The following HMMR variants were observed in gnomAD, a reference collection of about 807,000 sequenced individuals.
The protein encoded by HMMR is intracellular hyaluronic acid-binding protein.
A neutral mutation model predicts 101.0 loss-of-function variants in HMMR; 108 were observed. That is an observed-to-expected ratio of 1.07 (90% CI 0.92 to 1.25). The LOEUF (loss-of-function observed/expected upper bound fraction) is 1.25. Among genes scored for constraint, HMMR ranks in the 50% most tolerant of loss-of-function variants. The probability of loss-of-function intolerance (pLI) is 0.00; values close to 1 mark genes in which losing one functional copy is unlikely to be tolerated. For missense variants in HMMR, 813 were observed against 788.7 expected (o/e 1.03, Z -0.37); for synonymous variants, 296 against 276.4 (o/e 1.07, Z -0.70).
intron 12 of HMMR, among the ~76,000 whole-genome samples, chr5:163,481,724 T>C (rs1759272668): frequency 6.6e-6 from 1 of 152,196 alleles, no homozygotes; most frequent in Non-Finnish European, 1.5e-5. Context: ...TTTCCTACTC[T>C]GCTTCCAAAA....
chr5:163,463,290 T>G (rs1758598701), intron 1 of HMMR, among the ~76,000 whole-genome samples: 1 of 152,248 alleles, frequency 6.6e-6, no homozygotes, highest in East Asian at 1.9e-4. Flanking sequence ...TGTGAAATGC[T>G]TAGCATAATG....
chr5:163,472,024 G>A (rs891174260), intron 7 of HMMR, among the ~76,000 whole-genome samples: 1 of 150,144 alleles, frequency 6.7e-6, no homozygotes, highest in Non-Finnish European at 1.5e-5. Context: ...AATTAGCTTT[G>A]CCTTTTTTTA....
intron 9 of HMMR, 47 bp downstream of exon 9, chr5:163,473,604 C>T: frequency 8.3e-7 from 1 of 1,201,002 alleles, no homozygotes. Context: ...GTGTTACATA[C>T]AACATTTAGG....
chr5:163,487,676 G>A (rs1227661846), intron 16 of HMMR, among the ~76,000 whole-genome samples: 1 of 151,722 alleles, frequency 6.6e-6, no homozygotes, highest in Admixed American at 6.6e-5. Flanking sequence ...TTCTATAAAT[G>A]TGCCTAATTT....
At chr5:163,487,216 T>C (rs6894495) in intron 16 of HMMR, among the ~76,000 whole-genome samples, 5,175 of 152,290 alleles carry the variant, frequency 0.034, 255 homozygotes, top group African/African-American at 0.12. Context: ...ATGTAATTTT[T>C]TTATTCTGTT....
At chr5:163,482,577 A>G in intron 12 of HMMR, 65 bp from the exon 13 acceptor site, 4 of 1,152,994 alleles carry the variant, frequency 3.5e-6, no homozygotes, top group Non-Finnish European at 5.1e-6. Context: ...GTGTAAACTA[A>G]TCAGTTATGA....
At chr5:163,460,811 G>A in intron 1 of HMMR, 73 bp downstream of exon 1, 1 of 1,415,284 alleles carries the variant, frequency 7.1e-7, no homozygotes, top group Non-Finnish European at 9.8e-7. Flanking sequence ...TCCCTTCTTG[G>A]GAGGCAAGCA....
At chr5:163,471,134 A>G in intron 5 of HMMR, 51 bp from the exon 6 acceptor site, 1 of 1,129,296 alleles carries the variant, frequency 8.9e-7, no homozygotes, top group Non-Finnish European at 1.3e-6. Flanking sequence ...TATTTTAAAT[A>G]TGTCTTAGCA....
At chr5:163,469,614 A>T (rs1758808995) in intron 4 of HMMR, 27 bp from the exon 5 acceptor site, 1 of 1,586,860 alleles carries the variant, frequency 6.3e-7, no homozygotes, top group East Asian at 2.2e-5. Flanking sequence ...TCAGTGAATC[A>T]TTTATTATCA....
intron 11 of HMMR, among the ~76,000 whole-genome samples, chr5:163,477,124 T>C (rs1331487894): frequency 6.6e-6 from 1 of 152,246 alleles, no homozygotes; most frequent in Non-Finnish European, 1.5e-5. Context: ...CATACACTTA[T>C]TTATTTCATT....
At chr5:163,472,096 T>G (rs1758915096) in intron 7 of HMMR, among the ~76,000 whole-genome samples, 1 of 151,780 alleles carries the variant, frequency 6.6e-6, no homozygotes, top group Admixed American at 6.6e-5. Context: ...TTACTCAGGC[T>G]GGTCTCATAC....
intron 4 of HMMR, among the ~76,000 whole-genome samples, chr5:163,468,031 A>G (rs1758757712): frequency 6.6e-6 from 1 of 152,264 alleles, no homozygotes; most frequent in East Asian, 1.9e-4. Flanking sequence ...ATATATGTGG[A>G]TCAAATATTT....
At chr5:163,460,807 C>T in intron 1 of HMMR, 69 bp downstream of exon 1, 5 of 1,426,250 alleles carry the variant, frequency 3.5e-6, no homozygotes, top group Non-Finnish European at 4.9e-6. Context: ...CAGCTCCCTT[C>T]TTGGGAGGCA....
intron 16 of HMMR, among the ~76,000 whole-genome samples, chr5:163,488,156 G>C (rs1561648468): frequency 6.6e-6 from 1 of 152,154 alleles, no homozygotes; most frequent in Non-Finnish European, 1.5e-5. Context: ...ACCTGGCCAA[G>C]AACTTTTCTT....
Position 163,474,077 on chromosome 5 carries a change from A to G in HMMR, c.925A>G (p.Arg309Gly). The change falls in exon 10 of 18, where the codon AGA becomes GGA. Residue 309 changes from arginine to glycine, a missense_variant. Transcript: ENST00000393915. Reference sequence around the variant, plus strand: ...TCTAGAAGACCATGTCAACAGGAATAGAGAACACAACGAAAATCTAAATGC... The same window carrying G: ...TCTAGAAGACCATGTCAACAGGAATGGAGAACACAACGAAAATCTAAATGC... ...KEKEDHVNRNREHNENLNAEM... is the reference protein window; with the variant it reads ...KEKEDHVNRNGEHNENLNAEM... 6.2e-7 allele frequency: 1 copy of G among 1,611,128 alleles called. No homozygotes were observed.
intron 12 of HMMR, among the ~76,000 whole-genome samples, chr5:163,480,872 G>A (rs1275863434): frequency 1.3e-5 from 2 of 152,036 alleles, no homozygotes; most frequent in Non-Finnish European, 2.9e-5. Flanking sequence ...TCTTCTGCCA[G>A]TTTAGCTTAT....
intron 9 of HMMR, 140 bp from the exon 10 acceptor site, chr5:163,473,917 G>A (rs1758983005): frequency 2.9e-6 from 2 of 683,172 alleles, no homozygotes; most frequent in African/African-American, 3.7e-5. Context: ...ATGGAGTAAT[G>A]ATACAAAGTT....
chr5:163,466,839 G>T (rs1221651431), intron 3 of HMMR, among the ~76,000 whole-genome samples: 1 of 151,984 alleles, frequency 6.6e-6, no homozygotes, highest in East Asian at 1.9e-4. Flanking sequence ...TAAATGCATA[G>T]GTGGCTTGCA....
intron 12 of HMMR, among the ~76,000 whole-genome samples, chr5:163,479,130 G>T (rs1238023821): frequency 6.6e-6 from 1 of 152,128 alleles, no homozygotes; most frequent in Non-Finnish European, 1.5e-5. Context: ...AGCATTTGGT[G>T]CTTCTGCCCT....
Sources: allele counts gnomAD v4.1 joint callset (sites outside exome capture counted in the v4.1 genomes callset), GRCh38; gene constraint gnomAD v4.1.1; transcripts MANE v1.5; gene names NCBI Gene and HGNC (gene_info 2026-07-23, HGNC 2026-07-21).